Variants in NXPE2 observed in about 807,000 individuals in gnomAD.
The protein encoded by NXPE2 is NXPE family member 2.
NXPE2 carries 34 observed loss-of-function variants against 34.4 expected under a neutral mutation model. That is an observed-to-expected ratio of 0.99 (90% CI 0.75 to 1.31). NXPE2 has a LOEUF of 1.31. Among genes scored for constraint, NXPE2 ranks in the 40% most tolerant of loss-of-function variants. The pLI, the probability that NXPE2 is intolerant of heterozygous loss-of-function variation, is 0.00. For synonymous variants in NXPE2, 235 were observed against 231.3 expected (o/e 1.02, Z -0.15); for missense variants, 649 against 672.5 (o/e 0.97, Z 0.39).
the NXPE2 span, among the ~76,000 whole-genome samples, chr11:114,749,952 A>T: frequency 6.6e-6 from 1 of 151,666 alleles, no homozygotes; most frequent in Non-Finnish European, 1.5e-5. Context: ...CTCCATGTAG[A>T]CTCTCTTCTC....
the NXPE2 span, among the ~76,000 whole-genome samples, chr11:114,498,145 G>A: frequency 4.0e-5 from 6 of 151,642 alleles, no homozygotes; most frequent in African/African-American, 1.5e-4. Context: ...GCTGATTTTT[G>A]TATCTTCTTA....
chr11:114,681,302 G>A (rs1351500795), intron 2 of NXPE2, among the ~76,000 whole-genome samples: 1 of 152,186 alleles, frequency 6.6e-6, no homozygotes, highest in Non-Finnish European at 1.5e-5. Flanking sequence ...AGGAATTAAA[G>A]ATACAGAAAT....
At chr11:114,576,010 C>G in the NXPE2 span, among the ~76,000 whole-genome samples, 1 of 152,108 alleles carries the variant, frequency 6.6e-6, no homozygotes, top group African/African-American at 2.4e-5. Context: ...GGCACATAGA[C>G]CAATGGAACA....
At chr11:114,481,783 TA>T in the NXPE2 span, among the ~76,000 whole-genome samples, 2 of 152,154 alleles carry the variant, frequency 1.3e-5, no homozygotes, top group Admixed American at 6.5e-5. Context: ...ATCTCCCTTC[TA>T]AAGGGAACTG....
the NXPE2 span, among the ~76,000 whole-genome samples, chr11:114,566,260 C>A: frequency 1.3e-5 from 2 of 151,568 alleles, no homozygotes; most frequent in African/African-American, 4.9e-5. Flanking sequence ...CCCAAATTAG[C>A]ATATAGATAG....
the NXPE2 span, chr11:114,570,755 T>C: frequency 2.0e-6 from 1 of 511,220 alleles, no homozygotes; most frequent in Non-Finnish European, 3.4e-6. Context: ...GTTTTATTTT[T>C]AAGTGGAAGC....
the NXPE2 span, among the ~76,000 whole-genome samples, chr11:114,794,925 T>C: frequency 3.4e-4 from 48 of 142,398 alleles, no homozygotes; most frequent in East Asian, 9.7e-3. Flanking sequence ...GCAAATTAAC[T>C]GCTTTGGAAC....
chr11:114,782,310 C>T, the NXPE2 span, among the ~76,000 whole-genome samples: 1 of 152,158 alleles, frequency 6.6e-6, no homozygotes, highest in Non-Finnish European at 1.5e-5. Flanking sequence ...AACCTGTGCT[C>T]TTTCTGTCTT....
chr11:114,522,156 CTA>C, the NXPE2 span: 1 of 1,614,068 alleles, frequency 6.2e-7, no homozygotes, highest in South Asian at 1.1e-5. Context: ...CTCTCTGTCT[CTA>C]TGTGCATCTC....
At chr11:114,791,181 GA>G in the NXPE2 span, among the ~76,000 whole-genome samples, 1,206 of 141,476 alleles carry the variant, frequency 8.5e-3, 16 homozygotes, top group African/African-American at 0.027. Flanking sequence ...GATTCCGTTT[GA>G]AAAAAAAAAA....
the NXPE2 span, among the ~76,000 whole-genome samples, chr11:114,663,438 G>A: frequency 5.9e-5 from 9 of 152,040 alleles, no homozygotes; most frequent in African/African-American, 1.9e-4. Context: ...AAATAAAATG[G>A]GGGTTGTCTT....
At chr11:114,657,225 T>A in the NXPE2 span, among the ~76,000 whole-genome samples, 1 of 152,188 alleles carries the variant, frequency 6.6e-6, no homozygotes, top group South Asian at 2.1e-4. Flanking sequence ...CTTTCCTACC[T>A]CTATCTCTGA....
At chr11:114,634,191 A>T in the NXPE2 span, among the ~76,000 whole-genome samples, 1 of 151,360 alleles carries the variant, frequency 6.6e-6, no homozygotes, top group African/African-American at 2.4e-5. Context: ...TGTGGTTTTG[A>T]TTTGCATTTC....
At chr11:114,653,378 G>T in the NXPE2 span, among the ~76,000 whole-genome samples, 12 of 152,090 alleles carry the variant, frequency 7.9e-5, no homozygotes, top group African/African-American at 2.9e-4. Context: ...TTGTTGTATA[G>T]ACAATAAACC....
the NXPE2 span, among the ~76,000 whole-genome samples, chr11:114,623,130 A>T: frequency 3.3e-5 from 5 of 152,226 alleles, no homozygotes; most frequent in Admixed American, 6.5e-5. Context: ...CCCGGTGGAT[A>T]ATAAGTGTTG....
the NXPE2 span, among the ~76,000 whole-genome samples, chr11:114,753,791 A>G: frequency 6.6e-6 from 1 of 152,240 alleles, no homozygotes; most frequent in Non-Finnish European, 1.5e-5. Flanking sequence ...AAGCATTCAC[A>G]TTAAGAACAT....
At chr11:114,491,969 T>C in the NXPE2 span, among the ~76,000 whole-genome samples, 3 of 151,824 alleles carry the variant, frequency 2.0e-5, no homozygotes, top group Non-Finnish European at 4.4e-5. Context: ...TGAGAACACA[T>C]GGACACAGGA....
At chr11:114,784,697 A>G in the NXPE2 span, among the ~76,000 whole-genome samples, 9 of 152,266 alleles carry the variant, frequency 5.9e-5, no homozygotes, top group African/African-American at 2.2e-4. Context: ...TCTCTCTTCG[A>G]GAGCATTTGT....
the NXPE2 span, chr11:114,530,202 G>A: frequency 1.2e-6 from 2 of 1,610,412 alleles, no homozygotes; most frequent in Non-Finnish European, 1.7e-6. Flanking sequence ...TTCCTTGTCT[G>A]TAAGATAAGA....
Sources: gnomAD v4.1 joint callset for allele counts (sites outside exome capture counted in the v4.1 genomes callset) on GRCh38, gnomAD v4.1.1 for gene constraint, MANE v1.5 for transcripts, NCBI Gene and HGNC (gene_info 2026-07-23, HGNC 2026-07-21) for gene names.